Variants in MRPL28 observed in about 807,000 individuals in gnomAD.
MRPL28 encodes mitochondrial ribosomal protein L28.
A neutral mutation model predicts 26.2 loss-of-function variants in MRPL28; 25 were observed. That is an observed-to-expected ratio of 0.95 (90% CI 0.69 to 1.33). The LOEUF is 1.33. MRPL28 is among the 40% of genes most tolerant of loss of function. The probability of loss-of-function intolerance (pLI) is 0.00; values close to 1 mark genes in which losing one functional copy is unlikely to be tolerated. For synonymous variants in MRPL28, 227 were observed against 140.1 expected, an observed-to-expected ratio of 1.62 and a Z score of -4.38; for missense variants, 432 against 327.2, an observed-to-expected ratio of 1.32 and a Z score of -2.47.
In MRPL28 at chr16:368,594, C is replaced by G. The variant is rs751573443; in HGVS notation, c.483G>C (p.Leu161=). Residue 161 remains leucine, a synonymous_variant, in exon 4 of 6, where the codon CTG becomes CTC. Transcript: ENST00000199706. The part of the protein sequence containing the change: ...EDLCSKFGMD[L]KRGMLLRLAR... ...CAAGCCGCAGCAGCATCCCTCGCTTCAGGTCCATCCCAAACTTGGAGCACA... is the reference window on the plus strand; with the variant it reads ...CAAGCCGCAGCAGCATCCCTCGCTTGAGGTCCATCCCAAACTTGGAGCACA... The G allele has an allele frequency of 3.8e-6, 6 of 1,592,222 alleles. No individual in the cohort carries two copies. The South Asian group carries it at 5.6e-5, about 15-fold the overall frequency.
Position 370,103 on chromosome 16 carries a change from G to C in MRPL28, c.116C>G (p.Thr39Ser). The C allele has an allele frequency of 6.2e-7, 1 of 1,610,538 alleles. No individual in the cohort carries two copies. Residue 39 changes from threonine (T) to serine (S), a missense_variant, in exon 2 of 6, where the codon ACT becomes AGT. Transcript: ENST00000199706. ...CCCATGAGGCCTATAGTGCACGGGA[G>C]TGGGCGTCCGCTCCTCCTCCAGGGA... ...LRSLEEERTP[T>S]PVHYRPHGAK... is the part of the protein sequence containing the mutation.
In MRPL28 at chr16:367,365, C is replaced by T; in HGVS notation, c.*310G>A. 1 of 659,936 alleles carries T rather than the reference C, an allele frequency of 1.5e-6. No homozygotes were observed. Among genetic ancestry groups the T allele is most frequent in the South Asian group, 1.6e-5 (1 of 61,102 alleles). The allele number at this position is 659,936 out of a possible 1,614,324, so 40.9% of individuals were successfully genotyped here. On this transcript the variant is annotated 3_prime_UTR_variant, in exon 6 of 6. Coordinates refer to ENST00000199706, the MANE Select transcript of MRPL28 (RefSeq NM_006428.5). ...AGGATCAGGATCCCCAAAGAGAACA[C>T]CAGTCCTCAAAGCAAAGATACACAC... is the stretch of plus-strand genomic sequence containing the variant.
intron 2 of MRPL28, chr16:369,484 A>G: frequency 1.6e-6 from 1 of 633,782 alleles, no homozygotes; most frequent in African/African-American, 1.8e-5. Context: ...CATGTGTTTC[A>G]GAAACATGTG....
rs764195794 is a variant in MRPL28 at position 368,643 on chromosome 16, A to G, written c.442-8T>C. The G allele has an allele frequency of 6.5e-7, 1 of 1,543,584 alleles. No homozygotes were observed. The highest frequency in any genetic ancestry group is 8.7e-7 in the Non-Finnish European group (1 of 1,143,792). On this transcript the variant is annotated splice_polypyrimidine_tract_variant and splice_region_variant and intron_variant, in intron 3 of 5. Transcript: ENST00000199706. The stretch of plus-strand genomic sequence containing the variant: ...CAGGTCCTCCTTCGGGGTCTGGCAG[A>G]AGGCTCACATGGGGCCAGGTGCTGG...
Position 370,003 on chromosome 16 carries a change from G to A in MRPL28, c.216C>T (p.Pro72=), listed in dbSNP as rs567857326. 6 of 1,613,224 alleles carry A rather than the reference G, an allele frequency of 3.7e-6. No homozygotes were observed. In the Admixed American group the frequency reaches 6.7e-5, roughly 18 times the overall value. The change falls in exon 2 of 6, where the codon CCC becomes CCT. Residue 72 remains proline (P), a synonymous_variant. Coordinates refer to ENST00000199706, the MANE Select transcript of MRPL28 (RefSeq NM_006428.5). Reference sequence around the variant, plus strand: ...CCCACAACCCCCGCTGGGATTCGGGGGGAAAGTAGATGGGAATGGGCACGT... The same window carrying A: ...CCCACAACCCCCGCTGGGATTCGGGAGGAAAGTAGATGGGAATGGGCACGT... The part of the protein sequence containing the change: ...VEDVPIPIYF[P]PESQRGLWGG...
intron 1 of MRPL28, 42 bp from the exon 2 acceptor site, chr16:370,267 A>AGGCCCCCGACTCTCACCCGCTACCCC: frequency 1.1e-6 from 1 of 933,110 alleles, no homozygotes; most frequent in Non-Finnish European, 1.3e-6. Context: ...CAGCCTGGCC[A>AGGCCCCCGACTCTCACCCGCTACCCC]GGCCCCCGGC....
Position 368,557 on chromosome 16 carries a change from G to C in MRPL28, c.520C>G (p.Pro174Ala), listed in dbSNP as rs866116884. 6.3e-7 allele frequency: 1 copy of C among 1,597,618 alleles called. No homozygotes were observed. Among genetic ancestry groups the C allele is most frequent in the Non-Finnish European group, 8.5e-7 (1 of 1,170,076 alleles). The part of the protein sequence containing the change: ...GMLLRLARQD[P>A]QLHPEDPERR... The stretch of plus-strand genomic sequence containing the variant: ...TCGGGGTCCTCGGGGTGCAGCTGGG[G>C]GTCCTGCCGGGCAAGCCGCAGCAGC... The change falls in exon 4 of 6, where the codon CCC becomes GCC. Residue 174 changes from proline to alanine, a missense_variant. Coordinates refer to ENST00000199706, the MANE Select transcript of MRPL28 (RefSeq NM_006428.5).
intron 2 of MRPL28, 121 bp downstream of exon 2, chr16:369,810 T>C: frequency 8.0e-7 from 1 of 1,256,514 alleles, no homozygotes; most frequent in South Asian, 1.4e-5. Flanking sequence ...CGGAGATGTG[T>C]CGCCTCCAGG....
At chr16:368,958 C>G (rs1276134923) in intron 3 of MRPL28, 110 bp downstream of exon 3, 1 of 1,358,954 alleles carries the variant, frequency 7.4e-7, no homozygotes, top group Non-Finnish European at 1.0e-6. Flanking sequence ...CCCAGTGACC[C>G]TCCTGTGCAG....
Position 367,668 on chromosome 16 carries a change from T to C in MRPL28, c.*7A>G, listed in dbSNP as rs780935852. 58 of 1,611,692 alleles carry C rather than the reference T, an allele frequency of 3.6e-5. No homozygotes were observed. The highest frequency in any genetic ancestry group is 4.3e-5 in the Non-Finnish European group (51 of 1,178,380). On this transcript the variant is annotated 3_prime_UTR_variant, in exon 6 of 6. Coordinates refer to ENST00000199706, the MANE Select transcript of MRPL28 (RefSeq NM_006428.5). ...GCCTGTTGGTCAGGCATGGAGGAGC[T>C]GTGTGGTCACTGGCCACTGGCTCTC...
chr16:368,836 G>T, intron 3 of MRPL28: 1 of 1,007,100 alleles, frequency 9.9e-7, no homozygotes, highest in Non-Finnish European at 1.4e-6. Flanking sequence ...GGGCGGCTGT[G>T]CTCGCTCAGG....
chr16:368,826 G>A (rs148716907), intron 3 of MRPL28, 191 bp from the exon 4 acceptor site: 3 of 1,050,202 alleles, frequency 2.9e-6, no homozygotes, highest in African/African-American at 1.6e-5. Flanking sequence ...GCAGGGAAAG[G>A]GGCGGCTGTG....
chr16:369,837 C>A (rs1395261216), intron 2 of MRPL28, 94 bp downstream of exon 2: 2 of 1,464,174 alleles, frequency 1.4e-6, no homozygotes, highest in East Asian at 2.3e-5. Flanking sequence ...TCCCCAGGGC[C>A]CACCCAGGTC....
chr16:367,608 G>A lies in MRPL28; in HGVS notation c.*67C>T. On this transcript the variant is annotated 3_prime_UTR_variant, in exon 6 of 6. Transcript: ENST00000199706. ...GCCCTCACAGCTCCCCGGGATCTGT[G>A]TCCTCAGTGCAAAGGGCCTGGCAGG... is the stretch of plus-strand genomic sequence containing the variant. 7.1e-7 allele frequency: 1 copy of A among 1,417,866 alleles called. No homozygotes were observed. The highest frequency in any genetic ancestry group is 9.9e-7 in the Non-Finnish European group (1 of 1,008,720). The allele number at this position is 1,417,866 out of a possible 1,614,324, so 87.8% of individuals were successfully genotyped here.
At chr16:370,260 C>T in intron 1 of MRPL28, 35 bp from the exon 2 acceptor site, 2 of 1,424,986 alleles carry the variant, frequency 1.4e-6, no homozygotes, top group South Asian at 1.4e-5. Context: ...TCAGTCGCAG[C>T]CTGGCCAGGC....
chr16:367,530 G>T lies in MRPL28; in HGVS notation c.*145C>A. The T allele has an allele frequency of 1.3e-6, 1 of 789,414 alleles. No homozygotes were observed. The allele number at this position is 789,414 out of a possible 1,614,324, so 48.9% of individuals were successfully genotyped here. On this transcript the variant is annotated 3_prime_UTR_variant, in exon 6 of 6. Transcript: ENST00000199706. Reference sequence around the variant, plus strand: ...ATCCCTGCCAAGCTGGCCCCGGGCTGGAAGGTGCATGGGCAGCACACGAAA... The same window carrying T: ...ATCCCTGCCAAGCTGGCCCCGGGCTTGAAGGTGCATGGGCAGCACACGAAA...
chr16:370,348 C>T lies in MRPL28; in HGVS notation c.-7-123G>A, dbSNP rs2054315050. The T allele has an allele frequency of 1.6e-5, 13 of 818,536 alleles. No homozygotes were observed. In the East Asian group the frequency reaches 3.1e-4, roughly 20 times the overall value. 50.7% of individuals were successfully genotyped at this position (818,536 alleles called of 1,614,324 possible). A position where few individuals can be genotyped will look rare whatever the true frequency, so the allele number is the denominator to read the frequency against. On this transcript the variant is annotated intron_variant, in intron 1 of 5. Transcript: ENST00000199706. ...CCCCGGCTCTCACCCGCTACCCCGG[C>T]CCCCGGCTCTCACCCGCTACCCCGG...
intron 2 of MRPL28, 107 bp downstream of exon 2, chr16:369,824 T>C: frequency 7.2e-7 from 1 of 1,393,836 alleles, no homozygotes; most frequent in South Asian, 1.3e-5. Flanking sequence ...CTCCAGGCTG[T>C]AATCCCCAGG....
At position 368,646 on chromosome 16, in the gene MRPL28, G is replaced by A. The variant is rs2054284234; in HGVS notation, c.442-11C>T. On this transcript the variant is annotated splice_polypyrimidine_tract_variant and intron_variant, in intron 3 of 5. Transcript: ENST00000199706. ...GTCCTCCTTCGGGGTCTGGCAGAAG[G>A]CTCACATGGGGCCAGGTGCTGGTGG... The A allele has an allele frequency of 2.6e-6, 4 of 1,539,198 alleles. No homozygotes were observed. Among genetic ancestry groups the A allele is most frequent in the East Asian group, 2.3e-5 (1 of 44,158 alleles).
Sources: allele counts gnomAD v4.1 joint callset, GRCh38; gene constraint gnomAD v4.1.1; transcripts MANE v1.5; gene names NCBI Gene and HGNC (gene_info 2026-07-23, HGNC 2026-07-21).